The following PARN variants were observed in gnomAD, a reference collection of about 807,000 sequenced individuals.
The protein encoded by PARN is poly(A)-specific ribonuclease PARN.
In PARN, 71 loss-of-function variants were observed where a neutral mutation model predicts 102.8. The observed-to-expected ratio is 0.69, with a 90% CI of 0.57 to 0.84. The LOEUF (loss-of-function observed/expected upper bound fraction) is 0.84, where lower values mean the gene tolerates loss of function less well. Among genes scored for constraint, PARN ranks in the 40% least tolerant of loss-of-function variants. The pLI is 0.00. For missense variants in PARN, 782 were observed against 760.9 expected, an observed-to-expected ratio of 1.03 and a Z score of -0.33; for synonymous variants, 261 against 252.9, an observed-to-expected ratio of 1.03 and a Z score of -0.30.
intron 9 of PARN, among the ~76,000 whole-genome samples, chr16:14,606,955 G>A (rs1209383099): frequency 6.6e-6 from 1 of 151,686 alleles, no homozygotes; most frequent in Non-Finnish European, 1.5e-5. Context: ...CTAATTTTTT[G>A]TATTTTTAGT....
chr16:14,568,917 T>C (rs1226772911), intron 18 of PARN, among the ~76,000 whole-genome samples: 2 of 149,138 alleles, frequency 1.3e-5, no homozygotes, highest in African/African-American at 5.0e-5. Flanking sequence ...TTAAATTAAA[T>C]TTTTTAAAAA....
chr16:14,614,668 T>G (rs8047128), intron 6 of PARN, among the ~76,000 whole-genome samples: 45,199 of 151,482 alleles, frequency 0.3, 7,669 homozygotes, highest in South Asian at 0.42. Context: ...CTGGCCGACA[T>G]GGAGAAACTG....
intron 21 of PARN, among the ~76,000 whole-genome samples, chr16:14,536,737 C>CG (rs1258295809): frequency 6.6e-6 from 1 of 152,044 alleles, no homozygotes; most frequent in African/African-American, 2.4e-5. Flanking sequence ...GTATGTGAAA[C>CG]GCTTGTGACA....
Position 14,436,788 on chromosome 16 carries a change from A to G in PARN, c.1865-16T>C, listed in dbSNP as rs777247651. ...GAGATGCTTCCTGGTGGGAAAGAAC[A>G]AAACAATATGAACAGCAGGACCAGG... On this transcript the variant is annotated splice_polypyrimidine_tract_variant and intron_variant, in intron 23 of 23. Transcript: ENST00000437198. 2.5e-6 allele frequency: 4 copies of G among 1,569,702 alleles called. No homozygotes were observed. In the African/African-American group the frequency reaches 5.4e-5, roughly 21 times the overall value.
At chr16:14,489,486 CCT>C (rs1355803179) in intron 21 of PARN, among the ~76,000 whole-genome samples, 1 of 151,700 alleles carries the variant, frequency 6.6e-6, no homozygotes, top group Admixed American at 6.6e-5. Flanking sequence ...ATTGTTTTAC[CCT>C]GTCCAACTAC....
intron 21 of PARN, among the ~76,000 whole-genome samples, chr16:14,503,468 G>A (rs941122377): frequency 2.0e-5 from 3 of 152,216 alleles, no homozygotes; most frequent in Admixed American, 2.0e-4. Flanking sequence ...AGCCTAAGCT[G>A]AGAAGGTGTT....
chr16:14,591,844 T>A (rs1160276159), intron 13 of PARN: 1 of 152,142 alleles, frequency 6.6e-6, no homozygotes, highest in African/African-American at 2.4e-5. Flanking sequence ...GAGACCATCA[T>A]GGCCAACACA....
At chr16:14,627,065 T>G in intron 5 of PARN, 41 bp downstream of exon 5, 1 of 1,116,440 alleles carries the variant, frequency 9.0e-7, no homozygotes, top group South Asian at 1.3e-5. Context: ...TGCTGCCTCA[T>G]CAGCAATTCA....
chr16:14,625,924 T>TA (rs1972619508), intron 5 of PARN, among the ~76,000 whole-genome samples: 1 of 152,176 alleles, frequency 6.6e-6, no homozygotes, highest in Non-Finnish European at 1.5e-5. Context: ...CACACAACCA[T>TA]ACCCCTTACT....
intron 21 of PARN, among the ~76,000 whole-genome samples, chr16:14,506,873 T>C (rs1410533399): frequency 6.6e-6 from 1 of 151,942 alleles, no homozygotes; most frequent in Non-Finnish European, 1.5e-5. Flanking sequence ...AAAAATAAAA[T>C]GCATGAGGTC....
chr16:14,470,281 G>A (rs1962640417), intron 22 of PARN, among the ~76,000 whole-genome samples: 1 of 151,958 alleles, frequency 6.6e-6, no homozygotes, highest in Non-Finnish European at 1.5e-5. Flanking sequence ...CTGCATACAG[G>A]AGCCTTTAAA....
At chr16:14,483,655 C>G (rs1181383581) in intron 21 of PARN, among the ~76,000 whole-genome samples, 1 of 152,174 alleles carries the variant, frequency 6.6e-6, no homozygotes, top group African/African-American at 2.4e-5. Flanking sequence ...CCCTCACCCT[C>G]ATGCCTGTTT....
chr16:14,499,956 C>T (rs750254573), intron 21 of PARN, among the ~76,000 whole-genome samples: 1 of 152,180 alleles, frequency 6.6e-6, no homozygotes, highest in Non-Finnish European at 1.5e-5. Flanking sequence ...TCTCAATGAC[C>T]TGAGAGTTTC....
chr16:14,581,480 G>A (rs565475922), intron 17 of PARN, among the ~76,000 whole-genome samples: 1 of 152,290 alleles, frequency 6.6e-6, no homozygotes, highest in African/African-American at 2.4e-5. Context: ...AATTGGGTGA[G>A]TGGATCCCAA....
At position 14,436,742 on chromosome 16, in the gene PARN, A is replaced by C. The variant is rs1960718749; in HGVS notation, c.1895T>G (p.Leu632Arg). 6.2e-7 allele frequency: 1 copy of C among 1,601,186 alleles called. No homozygotes were observed. Among genetic ancestry groups the C allele is most frequent in the Admixed American group, 1.7e-5 (1 of 57,982 alleles). ...TTACCATGTGTCAGGAACTTCAAAG[A>C]GTGTGGCAGGGCTGTTCTTCGAGAT... ...GSISKNSPAT[L>R]FEVPDTW Residue 632 changes from leucine (L) to arginine (R), a missense_variant, in exon 24 of 24, where the codon CTC becomes CGC. Coordinates refer to ENST00000437198, the MANE Select transcript of PARN (RefSeq NM_002582.4).
At chr16:14,476,432 A>G (rs1963054802) in intron 22 of PARN, among the ~76,000 whole-genome samples, 1 of 152,204 alleles carries the variant, frequency 6.6e-6, no homozygotes, top group Non-Finnish European at 1.5e-5. Context: ...ACTTTTCTCT[A>G]AAGGGCCACA....
intron 23 of PARN, among the ~76,000 whole-genome samples, chr16:14,443,797 C>T (rs1279101087): frequency 6.6e-6 from 1 of 152,164 alleles, no homozygotes. Flanking sequence ...GTCTTTCATG[C>T]CCTCACTGCC....
intron 21 of PARN, among the ~76,000 whole-genome samples, chr16:14,484,060 G>A (rs1290134823): frequency 6.6e-6 from 1 of 152,152 alleles, no homozygotes; most frequent in Non-Finnish European, 1.5e-5. Context: ...TCATAACTTA[G>A]CTCCTATGCA....
chr16:14,622,386 C>T (rs899364902), intron 5 of PARN, among the ~76,000 whole-genome samples: 1 of 152,180 alleles, frequency 6.6e-6, no homozygotes, highest in Non-Finnish European at 1.5e-5. Flanking sequence ...TGCTGATAAC[C>T]ACTGGAAAGC....
Sources: gnomAD v4.1 joint callset for allele counts (sites outside exome capture counted in the v4.1 genomes callset) on GRCh38, gnomAD v4.1.1 for gene constraint, MANE v1.5 for transcripts, NCBI Gene and HGNC (gene_info 2026-07-23, HGNC 2026-07-21) for gene names.